Variants in RIMS2 observed in about 807,000 individuals in gnomAD.
The protein encoded by RIMS2 is regulating synaptic membrane exocytosis 2, also known as regulating synaptic membrane exocytosis protein 2.
In RIMS2, 59 loss-of-function variants were observed where a neutral mutation model predicts 174.4. That is an observed-to-expected ratio of 0.34 (90% confidence interval 0.27 to 0.42). The LOEUF is 0.42. Ranked by LOEUF, RIMS2 falls within the 10% of genes least tolerant of loss-of-function variation. The pLI, the probability that RIMS2 is intolerant of heterozygous loss-of-function variation, is 1.00. For synonymous variants in RIMS2, 606 were observed against 572.5 expected (o/e 1.06, Z -0.84); for missense variants, 1,620 against 1,666.3 (o/e 0.97, Z 0.48).
At chr8:103,975,748 G>A (rs2093360490) in intron 16 of RIMS2, 1 of 319,410 alleles carries the variant, frequency 3.1e-6, no homozygotes, top group Non-Finnish European at 5.7e-6. Context: ...AAGCTGACAG[G>A]ACAGGCTTCA....
chr8:103,675,558 C>T (rs7006816), intron 1 of RIMS2, among the ~76,000 whole-genome samples: 7,343 of 152,064 alleles, frequency 0.048, 587 homozygotes, highest in African/African-American at 0.17. Flanking sequence ...ATAAGTTCAC[C>T]GTCAAATTAA....
At position 103,931,263 on chromosome 8, in the gene RIMS2, A is replaced by G. The variant is rs201336825; in HGVS notation, c.2245A>G (p.Ile749Val). The G allele has an allele frequency of 6.7e-5, 106 of 1,589,794 alleles. No homozygotes were observed. The African/African-American group carries it at 1.0e-3, about 15-fold the overall frequency. The change falls in exon 12 of 24, where the codon ATA becomes GTA. Residue 749 changes from isoleucine to valine, a missense_variant and splice_region_variant. By Grantham distance (29) the Ile-to-Val change is conservative (BLOSUM62 3). Around this residue, in one of 2 missense-constraint regions of RIMS2, gnomAD observed 1,395 missense variants for 1,360.1 expected, o/e 1.03. Transcript: ENST00000504942. ...ATAAATGAATATTTTTGCTTTTCAG[A>G]TAAAACTATGGTTTGACAAGGTTGG...
At chr8:103,800,800 T>C (rs1311358996) in intron 3 of RIMS2, among the ~76,000 whole-genome samples, 1 of 152,166 alleles carries the variant, frequency 6.6e-6, no homozygotes, top group African/African-American at 2.4e-5. Flanking sequence ...CCTTTCCTTG[T>C]AACATCATTG....
chr8:104,094,921 C>T (rs1354497989), intron 19 of RIMS2, among the ~76,000 whole-genome samples: 1 of 151,994 alleles, frequency 6.6e-6, no homozygotes, highest in Non-Finnish European at 1.5e-5. Flanking sequence ...GAATTTGTAT[C>T]CACTAGCTCT....
chr8:103,559,194 T>G (rs1038583226), intron 1 of RIMS2: 1 of 202,274 alleles, frequency 4.9e-6, no homozygotes, highest in Non-Finnish European at 1.0e-5. Context: ...ACCATTATCT[T>G]CTTATTTCTC....
chr8:103,823,936 A>T (rs1418306112), intron 3 of RIMS2, among the ~76,000 whole-genome samples: 3 of 152,062 alleles, frequency 2.0e-5, no homozygotes, highest in Non-Finnish European at 4.4e-5. Context: ...TACTTTATTG[A>T]ACATGCATAA....
chr8:103,579,044 G>C (rs1272217475), intron 1 of RIMS2, among the ~76,000 whole-genome samples: 5 of 151,834 alleles, frequency 3.3e-5, no homozygotes, highest in Admixed American at 1.3e-4. Flanking sequence ...AGACATGAAG[G>C]AGAGAGAAAG....
chr8:103,801,293 G>A (rs1201686957), intron 3 of RIMS2, among the ~76,000 whole-genome samples: 1 of 152,146 alleles, frequency 6.6e-6, no homozygotes, highest in African/African-American at 2.4e-5. Context: ...AGCCAGCAAT[G>A]TCTTTAAAGA....
intron 3 of RIMS2, among the ~76,000 whole-genome samples, chr8:103,778,061 A>G (rs975106343): frequency 7.2e-5 from 11 of 152,048 alleles, no homozygotes; most frequent in African/African-American, 2.7e-4. Flanking sequence ...AAAGTTTGTT[A>G]CTTTTCTTCA....
At chr8:103,925,253 G>A (rs889410588) in intron 10 of RIMS2, among the ~76,000 whole-genome samples, 2 of 151,330 alleles carry the variant, frequency 1.3e-5, no homozygotes, top group African/African-American at 2.4e-5. Flanking sequence ...GTTGATTTAC[G>A]GTTGCAGTGT....
intron 19 of RIMS2, among the ~76,000 whole-genome samples, chr8:104,060,742 T>C (rs1367020376): frequency 1.3e-5 from 2 of 152,230 alleles, no homozygotes; most frequent in Admixed American, 6.5e-5. Flanking sequence ...CTGCTTTGAA[T>C]GTGTCCCAGA....
At chr8:103,539,702 T>C (rs10104009) in intron 1 of RIMS2, among the ~76,000 whole-genome samples, 27,705 of 152,126 alleles carry the variant, frequency 0.18, 2,777 homozygotes, top group African/African-American at 0.26. Context: ...TATATTCTTC[T>C]CCTGCCCAAG....
At chr8:103,977,477 A>G (rs2093550741) in intron 16 of RIMS2, 1 of 152,152 alleles carries the variant, frequency 6.6e-6, no homozygotes. Context: ...AAAAACCAAA[A>G]TGTTTTTGTT....
At chr8:104,234,549 T>C (rs2099248908) in intron 19 of RIMS2, among the ~76,000 whole-genome samples, 2 of 131,152 alleles carry the variant, frequency 1.5e-5, no homozygotes, top group Non-Finnish European at 3.2e-5. Context: ...AATAGCAACA[T>C]CAGACAAGAA....
At chr8:104,111,921 A>G (rs1286199310) in intron 19 of RIMS2, among the ~76,000 whole-genome samples, 1 of 152,088 alleles carries the variant, frequency 6.6e-6, no homozygotes, top group Non-Finnish European at 1.5e-5. Flanking sequence ...TTCCCTCTTT[A>G]TGAATTGCTC....
chr8:103,878,257 T>C (rs2099150880), intron 3 of RIMS2, among the ~76,000 whole-genome samples: 1 of 151,902 alleles, frequency 6.6e-6, no homozygotes, highest in Non-Finnish European at 1.5e-5. Flanking sequence ...ATTAAGCCTC[T>C]TTCCTTTTTA....
intron 19 of RIMS2, among the ~76,000 whole-genome samples, chr8:104,113,988 TATTTTGTAGATATTTTC>T (rs1444951125): frequency 6.6e-6 from 1 of 151,972 alleles, no homozygotes; most frequent in East Asian, 1.9e-4. Context: ...TTTCATAATC[TATTTTGTAGATATTTTC>T]TTTTAATGTG....
intron 19 of RIMS2, among the ~76,000 whole-genome samples, chr8:104,034,145 A>G (rs2096460707): frequency 6.6e-6 from 1 of 152,184 alleles, no homozygotes; most frequent in Non-Finnish European, 1.5e-5. Context: ...GTGCATCAAT[A>G]GCATATATTG....
chr8:103,744,295 C>T (rs2097787334), intron 2 of RIMS2, among the ~76,000 whole-genome samples: 1 of 152,162 alleles, frequency 6.6e-6, no homozygotes, highest in African/African-American at 2.4e-5. Context: ...CCACCCACCT[C>T]AGCCTCCCAA....
Sources: allele counts gnomAD v4.1 joint callset (sites outside exome capture counted in the v4.1 genomes callset), GRCh38; gene constraint gnomAD v4.1.1; regional missense constraint gnomAD v4.1.1; transcripts MANE v1.5; gene names NCBI Gene and HGNC (gene_info 2026-07-23, HGNC 2026-07-21).